Variants in CDH12 observed in about 807,000 individuals in gnomAD.
The protein encoded by CDH12 is cadherin-12.
CDH12 carries 41 observed loss-of-function variants against 74.1 expected under a neutral mutation model. The ratio of observed to expected loss-of-function variants is 0.55; its 90% CI spans 0.43 to 0.72. The LOEUF (loss-of-function observed/expected upper bound fraction) is 0.72. CDH12 is among the 30% of genes least tolerant of loss of function. The pLI, the probability that CDH12 is intolerant of heterozygous loss-of-function variation, is 0.00. For synonymous variants in CDH12, 399 were observed against 355.0 expected (o/e 1.12, Z -1.39); for missense variants, 945 against 977.2 (o/e 0.97, Z 0.44).
intron 3 of CDH12, among the ~76,000 whole-genome samples, chr5:22,279,725 C>T (rs1580475515): frequency 6.6e-6 from 1 of 152,146 alleles, no homozygotes; most frequent in African/African-American, 2.4e-5. Flanking sequence ...TTTATGGCTG[C>T]ATAGTATTCC....
chr5:22,458,861 A>G (rs1745394430), intron 2 of CDH12, among the ~76,000 whole-genome samples: 1 of 152,176 alleles, frequency 6.6e-6, no homozygotes, highest in Non-Finnish European at 1.5e-5. Context: ...CAACTTAGAA[A>G]ACTAAATGGC....
At chr5:22,505,726 C>G (rs556276611) in intron 1 of CDH12, among the ~76,000 whole-genome samples, 1 of 152,108 alleles carries the variant, frequency 6.6e-6, no homozygotes, top group African/African-American at 2.4e-5. Flanking sequence ...GTCCCCTTGG[C>G]CTCCTCATGG....
At chr5:22,602,150 G>T (rs1275319599) in intron 1 of CDH12, among the ~76,000 whole-genome samples, 1 of 152,058 alleles carries the variant, frequency 6.6e-6, no homozygotes, top group African/African-American at 2.4e-5. Context: ...TTAGCTGTCA[G>T]AAAAGAGAAA....
chr5:22,846,512 G>A (rs1214079103), intron 1 of CDH12, among the ~76,000 whole-genome samples: 1 of 152,088 alleles, frequency 6.6e-6, no homozygotes, highest in African/African-American at 2.4e-5. Flanking sequence ...ATAAGAAGAA[G>A]CACTCAGTGA....
At chr5:22,434,490 T>A (rs1261271) in intron 2 of CDH12, among the ~76,000 whole-genome samples, 73,458 of 151,818 alleles carry the variant, frequency 0.48, 18,127 homozygotes, top group Admixed American at 0.65. Flanking sequence ...ACATTAAATA[T>A]ATTATATCCA....
chr5:22,834,097 C>T (rs1736725317), intron 1 of CDH12, among the ~76,000 whole-genome samples: 1 of 152,102 alleles, frequency 6.6e-6, no homozygotes, highest in Non-Finnish European at 1.5e-5. Flanking sequence ...TTTGTTGTGT[C>T]TATTGCACTT....
intron 6 of CDH12, among the ~76,000 whole-genome samples, chr5:21,973,193 C>T (rs1482876696): frequency 6.6e-6 from 1 of 151,948 alleles, no homozygotes; most frequent in Non-Finnish European, 1.5e-5. Context: ...GGCAACAGAC[C>T]AAGACCCAGT....
chr5:21,880,620 T>TTCCTTCCTTCCTTCCTTCC (rs1561268475), intron 6 of CDH12, among the ~76,000 whole-genome samples: 1 of 22,110 alleles, frequency 4.5e-5, no homozygotes, highest in South Asian at 2.4e-3. Context: ...TCCTTCCTTC[T>TTCCTTCCTTCCTTCCTTCC]TTCTTTCTTT....
At chr5:22,779,161 T>A (rs1213881889) in intron 1 of CDH12, among the ~76,000 whole-genome samples, 3 of 152,036 alleles carry the variant, frequency 2.0e-5, no homozygotes, top group Admixed American at 6.6e-5. Context: ...TACCTTGGGA[T>A]CTAAATGTTG....
intron 3 of CDH12, among the ~76,000 whole-genome samples, chr5:22,251,294 T>C (rs146069023): frequency 2.4e-3 from 372 of 152,250 alleles, no homozygotes; most frequent in African/African-American, 8.4e-3. Flanking sequence ...CTGACACTGA[T>C]GGACAGGTGG....
chr5:21,996,170 T>C (rs977106956), intron 5 of CDH12, among the ~76,000 whole-genome samples: 2 of 150,392 alleles, frequency 1.3e-5, no homozygotes, highest in Non-Finnish European at 3.0e-5. Flanking sequence ...GTCTTTCTCG[T>C]ACTAGAACTA....
At chr5:21,871,695 C>A (rs1187244455) in intron 6 of CDH12, among the ~76,000 whole-genome samples, 2 of 152,034 alleles carry the variant, frequency 1.3e-5, no homozygotes, top group Non-Finnish European at 2.9e-5. Context: ...CCACTGCACT[C>A]CAGCTTAGGC....
At chr5:22,162,515 GTCAAGCTC>G in intron 4 of CDH12, among the ~76,000 whole-genome samples, 1 of 152,270 alleles carries the variant, frequency 6.6e-6, no homozygotes, top group Middle Eastern at 3.4e-3. Flanking sequence ...AGAATACAAC[GTCAAGCTC>G]CCAATGCCAA....
At chr5:22,793,624 T>C (rs946404657) in intron 1 of CDH12, among the ~76,000 whole-genome samples, 3 of 152,212 alleles carry the variant, frequency 2.0e-5, no homozygotes, top group Non-Finnish European at 4.4e-5. Flanking sequence ...CTACATTTAT[T>C]TGACCTATTT....
At chr5:21,829,959 G>C (rs556342064) in intron 8 of CDH12, among the ~76,000 whole-genome samples, 2 of 151,902 alleles carry the variant, frequency 1.3e-5, no homozygotes, top group African/African-American at 2.4e-5. Flanking sequence ...AGCACTTTGG[G>C]AGGCCGAGGC....
chr5:22,138,845 A>AATATATATATATATATATATATAC (rs1746614973), intron 4 of CDH12, among the ~76,000 whole-genome samples: 1 of 76,552 alleles, frequency 1.3e-5, no homozygotes, highest in Non-Finnish European at 2.7e-5. Flanking sequence ...ATATATACGT[A>AATATATATATATATATATATATAC]ATATATATAT....
At chr5:22,190,302 T>C (rs1176489015) in intron 4 of CDH12, among the ~76,000 whole-genome samples, 2 of 152,074 alleles carry the variant, frequency 1.3e-5, no homozygotes, top group Non-Finnish European at 2.9e-5. Context: ...TTTACAGTGA[T>C]CTGTTGGATG....
rs76699453 is a variant in CDH12, at chr5:22,726,038, C to A, written c.-523+127020G>T. Among the ~76,000 whole-genome samples, 1,303 of 151,770 alleles carry A rather than the reference C, an allele frequency of 8.6e-3. 11 individuals are homozygous for A. The highest frequency in any genetic ancestry group is 0.013 in the Non-Finnish European group (884 of 67,714). On this transcript the variant is annotated intron_variant, in intron 1 of 14. Coordinates refer to ENST00000382254, the MANE Select transcript of CDH12 (RefSeq NM_004061.5). ...TGGCACATACGTTGCAACTGATGAA[C>A]CTACATTGACACATCATTATCAATC...
intron 1 of CDH12, among the ~76,000 whole-genome samples, chr5:22,511,103 C>G (rs1381218415): frequency 6.6e-6 from 1 of 152,024 alleles, no homozygotes; most frequent in Non-Finnish European, 1.5e-5. Flanking sequence ...CCATGTTGGC[C>G]AAACTGATCT....
Sources: allele counts gnomAD v4.1 joint callset (sites outside exome capture counted in the v4.1 genomes callset), GRCh38; gene constraint gnomAD v4.1.1; transcripts MANE v1.5; gene names NCBI Gene and HGNC (gene_info 2026-07-23, HGNC 2026-07-21).